The following TAC4 variants were observed in gnomAD, a reference collection of about 807,000 sequenced individuals.
TAC4 encodes tachykinin-4.
In TAC4, 17 loss-of-function variants were observed where a neutral mutation model predicts 17.7. The ratio of observed to expected loss-of-function variants is 0.96; its 90% CI spans 0.66 to 1.44. TAC4 has a LOEUF of 1.44. TAC4 is among the 40% of genes most tolerant of loss of function. TAC4 has a pLI of 0.00. For synonymous variants in TAC4, 62 were observed against 52.4 expected (o/e 1.18, Z -0.79); for missense variants, 118 against 125.6 (o/e 0.94, Z 0.29).
At chr17:49,844,992 G>A (rs567682917) in intron 1 of TAC4, among the ~76,000 whole-genome samples, 1 of 152,358 alleles carries the variant, frequency 6.6e-6, no homozygotes, top group East Asian at 1.9e-4. Context: ...AAGAGGCTGA[G>A]CCAAGATTCA....
Position 49,838,537 on chromosome 17 carries a change from GACAGGAGACA to G in TAC4, c.*95_*104del, listed in dbSNP as rs1454102773. The G allele has an allele frequency of 1.4e-6, 2 of 1,404,038 alleles. No homozygotes were observed. The highest frequency in any genetic ancestry group is 3.5e-5 in the Admixed American group (2 of 57,636). 87.0% of individuals were successfully genotyped at this position (1,404,038 alleles called of 1,614,324 possible). A position where few individuals can be genotyped will look rare whatever the true frequency, so the allele number is the denominator to read the frequency against. On this transcript the variant is annotated 3_prime_UTR_variant, in exon 5 of 5. Coordinates refer to ENST00000436235, the MANE Select transcript of TAC4 (RefSeq NM_001077506.2). ...CCTTGTGTGAAGTGCCAGCGATGAG[GACAGGAGACA>G]CAGAGAAGAGAGTTGGCCTGCCGGC...
intron 1 of TAC4, chr17:49,846,299 CAG>C: frequency 1.7e-6 from 2 of 1,150,596 alleles, no homozygotes; most frequent in Non-Finnish European, 2.3e-6. Context: ...TTTTTTGAGA[CAG>C]GGTCTCGCTC....
chr17:49,844,297 A>T (rs893663827), intron 1 of TAC4, 140 bp from the exon 2 acceptor site: 49 of 698,226 alleles, frequency 7.0e-5, no homozygotes, highest in African/African-American at 6.7e-4. Context: ...ACCTCAGCAT[A>T]TTTTACACAG....
At chr17:49,840,361 A>C (rs1431449765) in intron 3 of TAC4, among the ~76,000 whole-genome samples, 1 of 152,176 alleles carries the variant, frequency 6.6e-6, no homozygotes, top group African/African-American at 2.4e-5. Flanking sequence ...TACGGCAGGC[A>C]GTCAGGGAAG....
At chr17:49,840,407 G>T (rs1205957425) in intron 3 of TAC4, among the ~76,000 whole-genome samples, 2 of 152,242 alleles carry the variant, frequency 1.3e-5, no homozygotes, top group African/African-American at 4.8e-5. Context: ...AGTCAGGTCA[G>T]TGAGGCAGGC....
At chr17:49,841,322 A>G (rs2074496606) in intron 3 of TAC4, among the ~76,000 whole-genome samples, 1 of 143,816 alleles carries the variant, frequency 7.0e-6, no homozygotes, top group Non-Finnish European at 1.5e-5. Flanking sequence ...AACTAGATCC[A>G]TCACTGTCTA....
intron 1 of TAC4, chr17:49,846,143 A>G (rs1431990431): frequency 2.5e-6 from 3 of 1,192,068 alleles, no homozygotes; most frequent in Non-Finnish European, 3.3e-6. Context: ...TCACTCCGAC[A>G]GGACTCCTGC....
chr17:49,838,962 G>A (rs968911653), intron 4 of TAC4, among the ~76,000 whole-genome samples: 1 of 152,136 alleles, frequency 6.6e-6, no homozygotes, highest in Non-Finnish European at 1.5e-5. Flanking sequence ...GGACTAGGAA[G>A]CAGGAGACAC....
intron 2 of TAC4, among the ~76,000 whole-genome samples, chr17:49,843,128 A>T (rs1744004345): frequency 6.6e-6 from 1 of 152,250 alleles, no homozygotes; most frequent in African/African-American, 2.4e-5. Context: ...CAGAAAGGTA[A>T]GCACATTTCC....
At chr17:49,847,848 A>C (rs2074557121) in intron 1 of TAC4, 65 bp downstream of exon 1, 8 of 1,611,800 alleles carry the variant, frequency 5.0e-6, no homozygotes, top group Non-Finnish European at 6.8e-6. Flanking sequence ...CTGCCTCTGC[A>C]CTGCCGATTA....
In TAC4 at chr17:49,844,067, C is replaced by T. The variant is rs1237240707; in HGVS notation, c.196G>A (p.Gly66Arg). 3 of 1,597,038 alleles carry T rather than the reference C, an allele frequency of 1.9e-6. No homozygotes were observed. The highest frequency in any genetic ancestry group is 3.8e-5 in the Admixed American group (2 of 52,316). ...QFFGLMGKRV[G>R]GRPLIQPRRK... Reference sequence around the variant, plus strand: ...CTCCATTGTCATTGTCACTCACCTCCCACTCGCTTCCCCATCAGCCCAAAG... The same window carrying T: ...CTCCATTGTCATTGTCACTCACCTCTCACTCGCTTCCCCATCAGCCCAAAG... Residue 66 changes from glycine (G) to arginine (R), a missense_variant, in exon 2 of 5, where the codon GGA (glycine) becomes AGA (arginine). Coordinates refer to ENST00000436235, the MANE Select transcript of TAC4 (RefSeq NM_001077506.2).
chr17:49,844,848 T>G (rs985188940), intron 1 of TAC4, among the ~76,000 whole-genome samples: 5 of 152,194 alleles, frequency 3.3e-5, no homozygotes, highest in African/African-American at 9.7e-5. Flanking sequence ...TCTGAAACAC[T>G]GCAGTCATAA....
chr17:49,845,266 C>T (rs1044354040), intron 1 of TAC4, among the ~76,000 whole-genome samples: 4 of 152,202 alleles, frequency 2.6e-5, no homozygotes, highest in Admixed American at 2.0e-4. Flanking sequence ...ACATTTTAAT[C>T]GTTGTGCTGA....
intron 1 of TAC4, among the ~76,000 whole-genome samples, chr17:49,846,581 C>G (rs2074542337): frequency 6.6e-6 from 1 of 152,190 alleles, no homozygotes; most frequent in Non-Finnish European, 1.5e-5. Context: ...CCGGCCGTCA[C>G]TTATGTTATG....
At position 49,847,686 on chromosome 17, in the gene TAC4, CACACAG is replaced by C. The variant is rs1357138264; in HGVS notation, c.105+221_105+226del. 5.1e-4 allele frequency: 251 copies of C among 491,212 alleles called. 1 individual carries two copies. Among genetic ancestry groups the C allele is most frequent in the South Asian group, 1.7e-3 (77 of 46,418 alleles). 30.4% of individuals were successfully genotyped at this position (491,212 alleles called of 1,614,324 possible). A position where few individuals can be genotyped will look rare whatever the true frequency, so the allele number is the denominator to read the frequency against. ...AGTATTTCTTACACACACACACACACACACAGACACACACACACACACACACACACA... is the reference window on the plus strand; with the variant it reads ...AGTATTTCTTACACACACACACACACACACACACACACACACACACACACA... On this transcript the variant is annotated intron_variant, in intron 1 of 4. Transcript: ENST00000436235.
intron 1 of TAC4, chr17:49,845,848 T>G (rs2074534039): frequency 5.7e-6 from 1 of 175,560 alleles, no homozygotes; most frequent in Non-Finnish European, 1.2e-5. Context: ...TTGGACTAAT[T>G]CACTCACTTC....
chr17:49,839,723 G>C, intron 4 of TAC4, 127 bp downstream of exon 4: 1 of 819,534 alleles, frequency 1.2e-6, no homozygotes, highest in Admixed American at 2.9e-5. Flanking sequence ...TCCCCTGGGG[G>C]CCTCCCCATG....
chr17:49,843,532 C>T (rs1463407778), intron 2 of TAC4, among the ~76,000 whole-genome samples: 1 of 152,212 alleles, frequency 6.6e-6, no homozygotes, highest in Non-Finnish European at 1.5e-5. Context: ...TTGTTGGGAA[C>T]AGCCTTGTTT....
At chr17:49,845,345 A>G (rs1050335611) in intron 1 of TAC4, among the ~76,000 whole-genome samples, 2 of 152,206 alleles carry the variant, frequency 1.3e-5, no homozygotes, top group African/African-American at 4.8e-5. Flanking sequence ...ACCTTGGCCA[A>G]AGCCTTCTCC....
Sources: allele counts gnomAD v4.1 joint callset (sites outside exome capture counted in the v4.1 genomes callset), GRCh38; gene constraint gnomAD v4.1.1; transcripts MANE v1.5; gene names NCBI Gene and HGNC (gene_info 2026-07-23, HGNC 2026-07-21).